Variants in ZNF454 observed in about 807,000 individuals in gnomAD.
ZNF454 encodes the protein zinc finger protein 454.
Under a neutral mutation model 48.2 loss-of-function variants are expected in ZNF454, and 30 were observed. The observed-to-expected ratio is 0.62, with a 90% CI of 0.47 to 0.84. ZNF454 has a LOEUF of 0.84. Ranked by LOEUF, ZNF454 falls within the 40% of genes least tolerant of loss-of-function variation. The pLI is 0.00. For synonymous variants in ZNF454, 204 were observed against 211.4 expected (o/e 0.97, Z 0.30); for missense variants, 510 against 623.1 (o/e 0.82, Z 1.93).
chr5:178,983,327 A>T, the ZNF454 span: 1 of 942,204 alleles, frequency 1.1e-6, no homozygotes, highest in Non-Finnish European at 1.7e-6. Context: ...GCTCTGGCCT[A>T]TGGAGGGGAT....
chr5:178,977,969 A>G, the ZNF454 span, among the ~76,000 whole-genome samples: 1 of 152,190 alleles, frequency 6.6e-6, no homozygotes, highest in Non-Finnish European at 1.5e-5. Context: ...TCTTCTTATC[A>G]GAGCCTTATT....
downstream of ZNF454, among the ~76,000 whole-genome samples, chr5:178,969,925 C>T (rs1171048073): frequency 8.5e-5 from 13 of 152,164 alleles, 1 homozygote; most frequent in Admixed American, 5.9e-4. Context: ...CGTCTCCTGC[C>T]GGGTGCCCCT....
At chr5:178,968,328 G>C (rs578157120), downstream of ZNF454, among the ~76,000 whole-genome samples, 29 of 152,184 alleles carry the variant, frequency 1.9e-4, no homozygotes, top group African/African-American at 6.7e-4. Flanking sequence ...CCTCAGAATG[G>C]AGCACCTCAC....
intron 4 of ZNF454, among the ~76,000 whole-genome samples, chr5:178,949,697 A>G (rs1485081546): frequency 3.3e-5 from 5 of 151,868 alleles, no homozygotes; most frequent in Non-Finnish European, 1.5e-5. Context: ...GTTCACTGCA[A>G]TCTCCGCCTC....
chr5:178,976,652 T>C, the ZNF454 span, among the ~76,000 whole-genome samples: 1 of 152,162 alleles, frequency 6.6e-6, no homozygotes, highest in Non-Finnish European at 1.5e-5. Context: ...TTTTAGTGAC[T>C]GTGGGAGGAA....
chr5:178,986,390 C>A, the ZNF454 span: 2 of 1,613,966 alleles, frequency 1.2e-6, no homozygotes, highest in Admixed American at 3.3e-5. Flanking sequence ...TAGCTGAGCT[C>A]TCGGCCCGAG....
the ZNF454 span, among the ~76,000 whole-genome samples, chr5:178,984,086 G>A: frequency 2.6e-4 from 40 of 152,120 alleles, no homozygotes; most frequent in Non-Finnish European, 5.4e-4. Context: ...CCTGAACAAA[G>A]GACCTTCCAA....
At chr5:178,985,216 A>T in the ZNF454 span, 2 of 454,470 alleles carry the variant, frequency 4.4e-6, no homozygotes, top group Non-Finnish European at 8.9e-6. Flanking sequence ...ACCTGTTTCC[A>T]TATGTGAGCC....
chr5:178,971,009 G>A (rs1454667309), downstream of ZNF454, among the ~76,000 whole-genome samples: 1 of 152,226 alleles, frequency 6.6e-6, no homozygotes, highest in Non-Finnish European at 1.5e-5. Context: ...CAGTTCACAT[G>A]TGAGGCCACG....
At chr5:178,987,500 C>T in the ZNF454 span, 1 of 454,436 alleles carries the variant, frequency 2.2e-6, no homozygotes, top group African/African-American at 2.0e-5. Context: ...CAGTTCTGAC[C>T]CATGCTATAA....
At chr5:178,954,150 C>G (rs1002055888) in intron 4 of ZNF454, among the ~76,000 whole-genome samples, 2 of 152,124 alleles carry the variant, frequency 1.3e-5, no homozygotes, top group East Asian at 1.9e-4. Flanking sequence ...CCCAGCTACT[C>G]GGAAGACTGA....
chr5:178,960,049 T>C (rs1378272966), intron 4 of ZNF454, among the ~76,000 whole-genome samples: 1 of 147,880 alleles, frequency 6.8e-6, no homozygotes, highest in African/African-American at 2.5e-5. Context: ...CCTGGGCTTA[T>C]GGCGATCCTC....
the ZNF454 span, among the ~76,000 whole-genome samples, chr5:178,989,593 AGTGGCCAGGTGAGCTAGGC>A: frequency 6.6e-6 from 1 of 151,378 alleles, no homozygotes. Context: ...GTGAGCTAGG[AGTGGCCAGGTGAGCTAGGC>A]GTGGCCAGGT....
At chr5:178,978,234 G>A in the ZNF454 span, 1 of 152,188 alleles carries the variant, frequency 6.6e-6, no homozygotes, top group East Asian at 1.9e-4. Flanking sequence ...ATGATGAGAA[G>A]ATTCACTTGG....
chr5:178,985,830 T>G, the ZNF454 span: 236 of 535,378 alleles, frequency 4.4e-4, 1 homozygote, highest in African/African-American at 3.9e-3. Context: ...GGTGCGATCT[T>G]GGCTCACAGC....
intron 4 of ZNF454, among the ~76,000 whole-genome samples, chr5:178,957,958 TA>T (rs970142058): frequency 1.4e-3 from 217 of 152,340 alleles, no homozygotes; most frequent in African/African-American, 5.0e-3. Context: ...CTCTTATACA[TA>T]GATGATGTGT....
Position 178,942,758 on chromosome 5 carries a change from C to T in ZNF454, c.-34C>T. On this transcript the variant is annotated 5_prime_UTR_variant, in exon 2 of 5. Coordinates refer to ENST00000519564, the MANE Select transcript of ZNF454 (RefSeq NM_001178089.3). Reference sequence around the variant, plus strand: ...CCACACCTGCCTCCATAGCACTTTGCCTGTCCCTAAGAGGGCTCATCGGAG... The same window carrying T: ...CCACACCTGCCTCCATAGCACTTTGTCTGTCCCTAAGAGGGCTCATCGGAG... 1 of 1,613,914 alleles carries T rather than the reference C, an allele frequency of 6.2e-7. No individual in the cohort carries two copies. The highest frequency in any genetic ancestry group is 2.2e-5 in the East Asian group (1 of 44,856).
chr5:178,977,570 TTC>T, the ZNF454 span: 1 of 212,346 alleles, frequency 4.7e-6, no homozygotes, highest in Non-Finnish European at 1.0e-5. Flanking sequence ...AAATTCAGTC[TTC>T]TTTTTTTTTT....
Position 178,962,051 on chromosome 5 carries a change from C to A in ZNF454, c.251-2604C>A, listed in dbSNP as rs906494212. On this transcript the variant is annotated intron_variant, in intron 4 of 4. Transcript: ENST00000519564. ...TTCTGCCTGGAACACATCTGTGTTT[C>A]TTTTAATGTAGATCTGCTGGTGACA... Among the ~76,000 whole-genome samples the A allele has an allele frequency of 4.0e-5, 6 of 151,588 alleles. No individual in the cohort carries two copies. In the Admixed American group the frequency reaches 4.0e-4, roughly 10 times the overall value.
Sources: allele counts gnomAD v4.1 joint callset (sites outside exome capture counted in the v4.1 genomes callset), GRCh38; gene constraint gnomAD v4.1.1; transcripts MANE v1.5; gene names NCBI Gene and HGNC (gene_info 2026-07-23, HGNC 2026-07-21).